The following CD96 variants were observed in gnomAD, a reference collection of about 807,000 sequenced individuals.
CD96 encodes the protein T-cell surface protein tactile.
Under a neutral mutation model 71.3 loss-of-function variants are expected in CD96, and 70 were observed. The observed-to-expected ratio is 0.98, with a 90% CI of 0.81 to 1.20. The LOEUF (loss-of-function observed/expected upper bound fraction) is 1.20, where lower values mean the gene tolerates loss of function less well. CD96 is among the 50% of genes most tolerant of loss of function. CD96 has a pLI of 0.00. For missense variants in CD96, 742 were observed against 677.5 expected (o/e 1.10, Z -1.06); for synonymous variants, 248 against 233.0 (o/e 1.06, Z -0.59).
chr3:111,630,293 G>A (rs938345324), intron 10 of CD96, among the ~76,000 whole-genome samples: 7 of 151,880 alleles, frequency 4.6e-5, no homozygotes, highest in Non-Finnish European at 8.8e-5. Flanking sequence ...AAAGCGAGAA[G>A]AATCAAACAC....
intron 9 of CD96, 110 bp from the exon 10 acceptor site, chr3:111,624,223 A>G: frequency 5.0e-6 from 4 of 794,632 alleles, no homozygotes; most frequent in Non-Finnish European, 8.9e-6. Context: ...GCACATTTTC[A>G]ATTTCAGATT....
rs746471330 is a variant in CD96 at position 111,642,830 on chromosome 3, A to G, written c.1477+4662A>G. Among the ~76,000 whole-genome samples, 212 of 152,098 alleles carry G rather than the reference A, an allele frequency of 1.4e-3. 1 individual carries two copies. Among genetic ancestry groups the G allele is most frequent in the Middle Eastern group, 3.4e-3 (1 of 292 alleles). ...TAAAAAAAAAATAAATAAATAAAAG[A>G]AAAATTACCGACAAAACAAAGTCCA... On this transcript the variant is annotated intron_variant, in intron 12 of 13. Transcript: ENST00000352690.
At chr3:111,549,559 C>T (rs1934592432) in intron 2 of CD96, among the ~76,000 whole-genome samples, 1 of 151,942 alleles carries the variant, frequency 6.6e-6, no homozygotes, top group Admixed American at 6.6e-5. Context: ...TAGAAGACAA[C>T]AGCAGAAAGC....
chr3:111,598,349 A>G (rs1937350412), intron 6 of CD96, 139 bp downstream of exon 6: 2 of 667,380 alleles, frequency 3.0e-6, no homozygotes, highest in Non-Finnish European at 5.5e-6. Context: ...CTGCCTACCA[A>G]ATGTCATTTT....
chr3:111,627,492 A>C (rs936123398), intron 10 of CD96, among the ~76,000 whole-genome samples: 6 of 152,208 alleles, frequency 3.9e-5, no homozygotes, highest in African/African-American at 1.4e-4. Context: ...TCTATGGCCA[A>C]CAGAGTTCTA....
chr3:111,621,319 A>C (rs1300034302), intron 8 of CD96, among the ~76,000 whole-genome samples: 1 of 152,216 alleles, frequency 6.6e-6, no homozygotes, highest in Non-Finnish European at 1.5e-5. Context: ...GTCTCTCAGC[A>C]AATACTTTTG....
At chr3:111,660,334 A>G (rs2107815856) in intron 14 of CD96, among the ~76,000 whole-genome samples, 1 of 152,356 alleles carries the variant, frequency 6.6e-6, no homozygotes. Flanking sequence ...CTACAAGAAA[A>G]ACTACAAAAC....
chr3:111,595,502 G>A (rs1937214557), intron 5 of CD96: 1 of 152,060 alleles, frequency 6.6e-6, no homozygotes, highest in Admixed American at 6.5e-5. Context: ...CTTAGACACA[G>A]ATGCAAACCT....
chr3:111,581,875 T>G (rs961255843), intron 4 of CD96, among the ~76,000 whole-genome samples: 2 of 152,174 alleles, frequency 1.3e-5, no homozygotes, highest in African/African-American at 4.8e-5. Flanking sequence ...GGTTAATTTA[T>G]TTGAAAGGCC....
At chr3:111,547,829 A>T (rs142888419) in intron 2 of CD96, among the ~76,000 whole-genome samples, 231 of 152,238 alleles carry the variant, frequency 1.5e-3, no homozygotes, top group African/African-American at 5.4e-3. Flanking sequence ...TTTGGGTACA[A>T]AGGGAGTAAA....
At chr3:111,609,896 G>A (rs563973394) in intron 8 of CD96, among the ~76,000 whole-genome samples, 1 of 152,212 alleles carries the variant, frequency 6.6e-6, no homozygotes, top group South Asian at 2.1e-4. Flanking sequence ...AGACATTTTG[G>A]GTTGTCACAA....
chr3:111,644,926 G>A (rs1257179343), intron 12 of CD96, among the ~76,000 whole-genome samples: 1 of 152,132 alleles, frequency 6.6e-6, no homozygotes, highest in African/African-American at 2.4e-5. Context: ...ATGTAAACTA[G>A]TACAGCCACT....
chr3:111,553,748 G>C (rs566148964), intron 2 of CD96, among the ~76,000 whole-genome samples: 1 of 151,822 alleles, frequency 6.6e-6, no homozygotes, highest in Non-Finnish European at 1.5e-5. Context: ...AGTATTTTTA[G>C]AAAGTGACCC....
intron 12 of CD96, among the ~76,000 whole-genome samples, chr3:111,640,500 C>G (rs1428728206): frequency 6.6e-6 from 1 of 152,042 alleles, no homozygotes; most frequent in Admixed American, 6.5e-5. Flanking sequence ...TGTTAAACAA[C>G]CAAACTTATG....
chr3:111,582,057 G>A (rs1009173128), intron 4 of CD96, among the ~76,000 whole-genome samples: 4 of 152,122 alleles, frequency 2.6e-5, no homozygotes, highest in East Asian at 3.8e-4. Context: ...GAAAGCTGGG[G>A]TATTCATCTA....
intron 3 of CD96, among the ~76,000 whole-genome samples, chr3:111,574,659 C>A (rs1174054808): frequency 6.6e-6 from 1 of 152,072 alleles, no homozygotes; most frequent in East Asian, 1.9e-4. Context: ...TTTAATTATG[C>A]ATTTGTTTCT....
chr3:111,625,272 C>A (rs1445176443), intron 10 of CD96, among the ~76,000 whole-genome samples: 1 of 151,974 alleles, frequency 6.6e-6, no homozygotes, highest in African/African-American at 2.4e-5. Flanking sequence ...TTTTGATGGC[C>A]CTCAGGCTCA....
intron 5 of CD96, chr3:111,592,835 G>C (rs1044638870): frequency 6.6e-6 from 1 of 152,094 alleles, no homozygotes; most frequent in Non-Finnish European, 1.5e-5. Context: ...TCATTTCTCT[G>C]TGCTAATTAC....
chr3:111,616,296 A>T (rs1938233161), intron 8 of CD96, among the ~76,000 whole-genome samples: 1 of 152,190 alleles, frequency 6.6e-6, no homozygotes, highest in Admixed American at 6.5e-5. Flanking sequence ...TAAATGGAGA[A>T]TTTTTTTAAG....
Sources: allele counts gnomAD v4.1 joint callset (sites outside exome capture counted in the v4.1 genomes callset), GRCh38; gene constraint gnomAD v4.1.1; transcripts MANE v1.5; gene names NCBI Gene and HGNC (gene_info 2026-07-23, HGNC 2026-07-21).